L3MBTL1: variants seen among roughly 807,000 people sequenced by gnomAD.
The protein encoded by L3MBTL1 is lethal(3)malignant brain tumor-like protein 1.
L3MBTL1 carries 75 observed loss-of-function variants against 105.3 expected under a neutral mutation model. The ratio of observed to expected loss-of-function variants is 0.71; its 90% CI spans 0.59 to 0.86. L3MBTL1 has a LOEUF of 0.86. L3MBTL1 is among the 40% of genes least tolerant of loss of function. L3MBTL1 has a pLI of 0.00. For synonymous variants in L3MBTL1, 452 were observed against 436.2 expected, an observed-to-expected ratio of 1.04 and a Z score of -0.45; for missense variants, 1,069 against 1,126.4, an observed-to-expected ratio of 0.95 and a Z score of 0.73.
intron 13 of L3MBTL1, 105 bp downstream of exon 13, chr20:43,533,523 G>A (rs2019449882): frequency 2.3e-5 from 22 of 939,806 alleles, no homozygotes; most frequent in Non-Finnish European, 3.5e-5. Context: ...TCTAGGGTCA[G>A]GGTGAGAGAA....
chr20:43,544,998 ACTC>A (rs774844401), downstream of L3MBTL1, among the ~76,000 whole-genome samples: 5 of 151,086 alleles, frequency 3.3e-5, no homozygotes, highest in African/African-American at 4.9e-5. Context: ...AAATAAATGA[ACTC>A]CTGTAAGAAT....
intron 15 of L3MBTL1, 135 bp from the exon 16 acceptor site, chr20:43,534,693 T>A: frequency 1.5e-6 from 1 of 646,406 alleles, no homozygotes; most frequent in Non-Finnish European, 2.7e-6. Context: ...CAAGACAGAT[T>A]ATTGCAGGGT....
intron 7 of L3MBTL1, chr20:43,523,168 T>C (rs1600917431): frequency 6.6e-6 from 1 of 152,362 alleles, no homozygotes; most frequent in Non-Finnish European, 1.5e-5. Context: ...GCTGTACTTA[T>C]TTCTGTTAAT....
chr20:43,514,875 G>T, intron 4 of L3MBTL1, 99 bp downstream of exon 4: 1 of 1,457,104 alleles, frequency 6.9e-7, no homozygotes, highest in Non-Finnish European at 9.2e-7. Flanking sequence ...GGTGGTCCTG[G>T]GGTGGAGAAG....
chr20:43,524,155 A>C (rs1179157422), intron 7 of L3MBTL1, among the ~76,000 whole-genome samples: 2 of 152,164 alleles, frequency 1.3e-5, no homozygotes, highest in Non-Finnish European at 2.9e-5. Context: ...TTTAAAAAAA[A>C]TTTATTTCCA....
chr20:43,525,760 G>C (rs1275780497), intron 7 of L3MBTL1, among the ~76,000 whole-genome samples: 1 of 151,982 alleles, frequency 6.6e-6, no homozygotes, highest in Non-Finnish European at 1.5e-5. Context: ...CCCGTGAAAG[G>C]GGTTACTATG....
chr20:43,550,056 T>C (rs1391980118), exon 19 of L3MBTL1: 1 of 152,136 alleles, frequency 6.6e-6, no homozygotes, highest in East Asian at 1.9e-4. Flanking sequence ...AGGCAAGACC[T>C]GCCACACAGC....
Position 43,528,693 on chromosome 20 carries a change from C to T in L3MBTL1, c.899C>T (p.Ser300Phe). The change falls in exon 8 of 22, where the codon TCC becomes TTC. Residue 300 changes from serine to phenylalanine, a missense_variant. Coordinates refer to ENST00000418998, the MANE Select transcript of L3MBTL1 (RefSeq NM_001377303.1). Reference sequence around the variant, plus strand: ...AAGAAGGAATGCTGGTCGTGGGAGTCCTACCTAGAGGAGCAGAAGGCCATT... The same window carrying T: ...AAGAAGGAATGCTGGTCGTGGGAGTTCTACCTAGAGGAGCAGAAGGCCATT... The part of the protein sequence containing the change: ...GEKKECWSWE[S>F]YLEEQKAITA... 1 of 1,614,158 alleles carries T rather than the reference C, an allele frequency of 6.2e-7. No individual in the cohort carries two copies. The highest frequency in any genetic ancestry group is 8.5e-7 in the Non-Finnish European group (1 of 1,179,988).
At chr20:43,533,267 A>C in intron 12 of L3MBTL1, 75 bp from the exon 13 acceptor site, 1 of 1,378,390 alleles carries the variant, frequency 7.3e-7, no homozygotes, top group Non-Finnish European at 1.0e-6. Flanking sequence ...GTGGGCCCTG[A>C]GCCATGCTTT....
At chr20:43,513,664 T>C in intron 2 of L3MBTL1, 25 bp downstream of exon 2, 1 of 1,550,466 alleles carries the variant, frequency 6.4e-7, no homozygotes, top group Non-Finnish European at 8.7e-7. Context: ...GGTAGGAGTC[T>C]GGGAAGGAAG....
At chr20:43,517,387 C>T (rs2018456381) in intron 7 of L3MBTL1, among the ~76,000 whole-genome samples, 1 of 152,094 alleles carries the variant, frequency 6.6e-6, no homozygotes, top group Non-Finnish European at 1.5e-5. Context: ...AGCCAAGGCA[C>T]CCAGCCTTTT....
rs771720999 is a variant in L3MBTL1 at position 43,535,787 on chromosome 20, C to T, written c.1826-50C>T. 2.5e-5 allele frequency: 31 copies of T among 1,261,484 alleles called. 1 individual carries two copies. Among genetic ancestry groups the T allele is most frequent in the African/African-American group, 3.0e-5 (2 of 66,680 alleles). The allele number at this position is 1,261,484 out of a possible 1,614,324, so 78.1% of individuals were successfully genotyped here. A position where few individuals can be genotyped will look rare whatever the true frequency, so the allele number is the denominator to read the frequency against. ...GAAACTGCTCCTTCCGTGCCCCACA[C>T]TCCCCACCCCCAGGACTCCATGAGG... On this transcript the variant is annotated intron_variant, in intron 16 of 21. Transcript: ENST00000418998.
chr20:43,541,014 A>T lies in L3MBTL1; in HGVS notation c.2475A>T (p.Ser825=), dbSNP rs750439345. Residue 825 remains serine, a synonymous_variant, in exon 22 of 22, where the codon TCA becomes TCT. Coordinates refer to ENST00000418998, the MANE Select transcript of L3MBTL1 (RefSeq NM_001377303.1). The stretch of plus-strand genomic sequence containing the variant: ...CCCAGCTTGGGGACCTTGTGTGCTC[A>T]GATCATCTTCAGGAAGGAAAAGGCA... ...TVAQLGDLVC[S]DHLQEGKGIL... 4 of 1,614,082 alleles carry T rather than the reference A, an allele frequency of 2.5e-6. No homozygotes were observed. In the Admixed American group the frequency reaches 6.7e-5, roughly 27 times the overall value.
At chr20:43,521,946 A>G in intron 7 of L3MBTL1, among the ~76,000 whole-genome samples, 1 of 152,240 alleles carries the variant, frequency 6.6e-6, no homozygotes, top group Non-Finnish European at 1.5e-5. Flanking sequence ...GCAAAAGAAC[A>G]GATATCCTAA....
rs1199509796 is a variant in L3MBTL1 at position 43,516,186 on chromosome 20, G to T, written c.862+9G>T. 1 of 1,610,028 alleles carries T rather than the reference G, an allele frequency of 6.2e-7. No homozygotes were observed. Among genetic ancestry groups the T allele is most frequent in the African/African-American group, 1.3e-5 (1 of 74,844 alleles). ...GAGCAGCAGCCAGCCTGGTACGGTG[G>T]CTTGTGTGTATATATATTCGTGTGA... On this transcript the variant is annotated intron_variant, in intron 7 of 21. Transcript: ENST00000418998.
intron 7 of L3MBTL1, among the ~76,000 whole-genome samples, chr20:43,522,311 CT>C (rs1336149873): frequency 1.3e-5 from 2 of 151,978 alleles, no homozygotes; most frequent in Non-Finnish European, 2.9e-5. Flanking sequence ...GCTGAGATCG[CT>C]TCACTGCACT....
chr20:43,535,884 A>G lies in L3MBTL1; in HGVS notation c.1873A>G (p.Ser625Gly). ...CTCCCCTGGGGGCTGTCCCCCTCTCAGCTATAGGAGCCTGCCCCACACTAG... is the reference window on the plus strand; with the variant it reads ...CTCCCCTGGGGGCTGTCCCCCTCTCGGCTATAGGAGCCTGCCCCACACTAG... ...SASPGGCPPL[S>G]YRSLPHTRTS... The change falls in exon 17 of 22, where the codon AGC (serine) becomes GGC (glycine). Residue 625 changes from serine to glycine, a missense_variant. Coordinates refer to ENST00000418998, the MANE Select transcript of L3MBTL1 (RefSeq NM_001377303.1). 6.2e-7 allele frequency: 1 copy of G among 1,612,932 alleles called. No individual in the cohort carries two copies. Among genetic ancestry groups the G allele is most frequent in the Non-Finnish European group, 8.5e-7 (1 of 1,179,522 alleles).
chr20:43,510,222 C>T (rs2018095514), intron 1 of L3MBTL1, among the ~76,000 whole-genome samples: 1 of 152,038 alleles, frequency 6.6e-6, no homozygotes, highest in Non-Finnish European at 1.5e-5. Context: ...TGGTCTCCAA[C>T]TCCTGAGCTC....
downstream of L3MBTL1, among the ~76,000 whole-genome samples, chr20:43,546,780 A>G (rs1158175470): frequency 6.6e-6 from 1 of 152,168 alleles, no homozygotes; most frequent in Non-Finnish European, 1.5e-5. Context: ...TATTTGTTTC[A>G]CCTATATTTG....
Sources: allele counts gnomAD v4.1 joint callset (sites outside exome capture counted in the v4.1 genomes callset), GRCh38; gene constraint gnomAD v4.1.1; transcripts MANE v1.5; gene names NCBI Gene and HGNC (gene_info 2026-07-23, HGNC 2026-07-21).